HYDIN: variants seen among roughly 807,000 people sequenced by gnomAD.
HYDIN encodes the protein HYDIN axonemal central pair apparatus protein.
A neutral mutation model predicts 403.9 loss-of-function variants in HYDIN; 132 were observed. The observed-to-expected ratio is 0.33, with a 90% CI of 0.28 to 0.38. HYDIN has a LOEUF of 0.38. Among genes scored for constraint, HYDIN ranks in the 10% least tolerant of loss-of-function variants. The pLI is 1.00. For missense variants in HYDIN, 2,827 were observed against 5,009.5 expected (o/e 0.56, Z 13.15); for synonymous variants, 1,202 against 1,891.7 (o/e 0.64, Z 9.46).
chr16:71,039,827 C>A (rs1369231198), intron 18 of HYDIN, among the ~76,000 whole-genome samples: 1 of 152,210 alleles, frequency 6.6e-6, no homozygotes, highest in East Asian at 1.9e-4. Context: ...AGCTCGGGAT[C>A]CCTGAGTGCA....
intron 57 of HYDIN, among the ~76,000 whole-genome samples, chr16:70,891,175 TA>T (rs1555559622): frequency 2.2e-4 from 34 of 152,064 alleles, no homozygotes; most frequent in African/African-American, 6.5e-4. Context: ...GTATAGTATT[TA>T]AAAAAAAATT....
At chr16:71,044,893 C>T (rs1309645484) in intron 18 of HYDIN, among the ~76,000 whole-genome samples, 2 of 150,590 alleles carry the variant, frequency 1.3e-5, no homozygotes, top group Non-Finnish European at 3.0e-5. Flanking sequence ...AAGTTTTCTT[C>T]TTCCGGTGAT....
chr16:71,198,496 G>C (rs1471666447), intron 1 of HYDIN, among the ~76,000 whole-genome samples: 1 of 152,160 alleles, frequency 6.6e-6, no homozygotes, highest in Non-Finnish European at 1.5e-5. Context: ...GAATATGCTA[G>C]GAATGCAACA....
chr16:70,900,740 C>T (rs2076347514), intron 53 of HYDIN, among the ~76,000 whole-genome samples: 1 of 151,320 alleles, frequency 6.6e-6, no homozygotes. Flanking sequence ...TTCATTCATT[C>T]ATTCATTCAT....
intron 47 of HYDIN, among the ~76,000 whole-genome samples, chr16:70,909,390 T>A (rs956711248): frequency 4.8e-4 from 73 of 152,144 alleles, no homozygotes; most frequent in African/African-American, 1.6e-3. Context: ...CAAAAAAAAA[T>A]TTTTGCCTTT....
intron 1 of HYDIN, among the ~76,000 whole-genome samples, chr16:71,221,810 C>A (rs538104437): frequency 2.0e-5 from 3 of 152,218 alleles, no homozygotes; most frequent in South Asian, 4.2e-4. Flanking sequence ...CCTAAAGCTG[C>A]CTCCTTACAT....
At chr16:70,944,154 G>T (rs1475921110) in intron 41 of HYDIN, among the ~76,000 whole-genome samples, 1 of 152,226 alleles carries the variant, frequency 6.6e-6, no homozygotes, top group Non-Finnish European at 1.5e-5. Context: ...TGGAAGGTAC[G>T]TTGTTTGTGT....
intron 4 of HYDIN, among the ~76,000 whole-genome samples, chr16:71,176,597 AC>A: frequency 6.6e-6 from 1 of 152,106 alleles, no homozygotes; most frequent in Non-Finnish European, 1.5e-5. Flanking sequence ...GCCAAACTCC[AC>A]CCCACCTCTC....
intron 43 of HYDIN, among the ~76,000 whole-genome samples, chr16:70,940,390 T>C (rs1429088713): frequency 6.6e-6 from 1 of 151,502 alleles, no homozygotes; most frequent in Admixed American, 6.6e-5. Context: ...CATACGGCCG[T>C]TGTAGAGATT....
intron 75 of HYDIN, among the ~76,000 whole-genome samples, chr16:70,844,835 G>T (rs1438191014): frequency 6.6e-6 from 1 of 151,136 alleles, no homozygotes; most frequent in Admixed American, 6.6e-5. Flanking sequence ...TCATGATTTG[G>T]CTCTCTGTCT....
At chr16:71,075,992 GAGA>G (rs2144326218) in intron 13 of HYDIN, 1 of 415,528 alleles carries the variant, frequency 2.4e-6, no homozygotes, top group Non-Finnish European at 4.9e-6. Context: ...TGTGTGGCTG[GAGA>G]AGGACCCAGG....
chr16:71,002,674 A>G (rs1226359754), intron 23 of HYDIN, among the ~76,000 whole-genome samples: 3 of 148,674 alleles, frequency 2.0e-5, no homozygotes, highest in Admixed American at 6.6e-5. Context: ...ACCCATTTGG[A>G]ATTAATTTTT....
At chr16:71,036,975 T>C (rs7499876) in intron 18 of HYDIN, among the ~76,000 whole-genome samples, 59,822 of 147,140 alleles carry the variant, frequency 0.41, 12,700 homozygotes, top group Non-Finnish European at 0.47. Context: ...CATTCCGTAA[T>C]TCTTTCAAAA....
chr16:70,942,489 G>C (rs1472435061), intron 42 of HYDIN, among the ~76,000 whole-genome samples: 1 of 152,234 alleles, frequency 6.6e-6, no homozygotes, highest in Non-Finnish European at 1.5e-5. Flanking sequence ...AGGGGGAGCA[G>C]CTGGGCCTTT....
chr16:70,817,166 C>T (rs78731806), intron 84 of HYDIN: 5 of 150,430 alleles, frequency 3.3e-5, no homozygotes, highest in Middle Eastern at 3.2e-3. Context: ...ATTAAGTCCA[C>T]GAGGAGTTAG....
intron 6 of HYDIN, among the ~76,000 whole-genome samples, chr16:71,156,114 G>A (rs2085755807): frequency 6.6e-6 from 1 of 150,404 alleles, no homozygotes; most frequent in African/African-American, 2.4e-5. Context: ...GTTTTAAAAT[G>A]AATTGGATAT....
intron 13 of HYDIN, among the ~76,000 whole-genome samples, chr16:71,073,504 T>C (rs1341503854): frequency 1.3e-5 from 2 of 152,226 alleles, no homozygotes; most frequent in Non-Finnish European, 2.9e-5. Context: ...ATCAGTGCCA[T>C]AGAAGAGACA....
chr16:70,818,329 C>T lies in HYDIN; in HGVS notation c.14658+13G>A, dbSNP rs1219749596. 6.2e-7 allele frequency: 1 copy of T among 1,603,456 alleles called. No homozygotes were observed. Among genetic ancestry groups the T allele is most frequent in the Non-Finnish European group, 8.5e-7 (1 of 1,173,342 alleles). ...CAGCTCTCAGGGAGCCCCCGACAGCCAAGGGGCCGTACCTCGGAGTTGGCA... is the reference window on the plus strand; with the variant it reads ...CAGCTCTCAGGGAGCCCCCGACAGCTAAGGGGCCGTACCTCGGAGTTGGCA... On this transcript the variant is annotated intron_variant, in intron 84 of 85. Transcript: ENST00000393567.
intron 23 of HYDIN, among the ~76,000 whole-genome samples, chr16:71,006,896 T>C (rs2079905079): frequency 6.6e-6 from 1 of 152,154 alleles, no homozygotes; most frequent in Non-Finnish European, 1.5e-5. Flanking sequence ...TGGATTTGTA[T>C]GAACCTCTTG....
Sources: allele counts gnomAD v4.1 joint callset (sites outside exome capture counted in the v4.1 genomes callset), GRCh38; gene constraint gnomAD v4.1.1; transcripts MANE v1.5; gene names NCBI Gene and HGNC (gene_info 2026-07-23, HGNC 2026-07-21).